Variants in GSAP observed in about 807,000 individuals in gnomAD.
GSAP encodes gamma-secretase activating protein, also known as gamma-secretase-activating protein.
In GSAP, 118 loss-of-function variants were observed where a neutral mutation model predicts 131.7. That is an observed-to-expected ratio of 0.90 (90% CI 0.77 to 1.04). The LOEUF (loss-of-function observed/expected upper bound fraction) is 1.04, where lower values mean the gene tolerates loss of function less well. Among genes scored for constraint, GSAP ranks in the 50% least tolerant of loss-of-function variants. The pLI, the probability that GSAP is intolerant of heterozygous loss-of-function variation, is 0.00. For synonymous variants in GSAP, 381 were observed against 363.4 expected, an observed-to-expected ratio of 1.05 and a Z score of -0.55; for missense variants, 1,019 against 1,013.2, an observed-to-expected ratio of 1.01 and a Z score of -0.08.
chr7:77,385,639 G>T (rs952004266), intron 6 of GSAP, among the ~76,000 whole-genome samples: 8 of 152,114 alleles, frequency 5.3e-5, no homozygotes, highest in Non-Finnish European at 1.0e-4. Flanking sequence ...CTTCCTGAGG[G>T]TAGGAGAATG....
chr7:77,372,102 C>G (rs969088664), intron 12 of GSAP, among the ~76,000 whole-genome samples: 12 of 152,190 alleles, frequency 7.9e-5, no homozygotes, highest in African/African-American at 2.2e-4. Flanking sequence ...CTAACTGTGC[C>G]TTTACTCAGT....
chr7:77,414,546 A>C (rs6465633), intron 1 of GSAP, among the ~76,000 whole-genome samples: 1 of 152,000 alleles, frequency 6.6e-6, no homozygotes, highest in Non-Finnish European at 1.5e-5. Context: ...GAGGACCTAG[A>C]GCTATCTGTT....
chr7:77,357,826 C>T (rs766183110), intron 14 of GSAP, among the ~76,000 whole-genome samples: 2 of 152,118 alleles, frequency 1.3e-5, no homozygotes, highest in Non-Finnish European at 2.9e-5. Flanking sequence ...CTTCAAGACT[C>T]ATTTCGAACT....
At chr7:77,314,178 A>G (rs1481085173) in intron 27 of GSAP, among the ~76,000 whole-genome samples, 192 bp downstream of exon 27, 1 of 152,222 alleles carries the variant, frequency 6.6e-6, no homozygotes, top group Non-Finnish European at 1.5e-5. Flanking sequence ...GGCTCAGCAC[A>G]AAATGAACAC....
intron 5 of GSAP, among the ~76,000 whole-genome samples, chr7:77,391,225 T>A (rs1799484880): frequency 6.6e-6 from 1 of 151,196 alleles, no homozygotes; most frequent in African/African-American, 2.4e-5. Context: ...CAGCCAGCTA[T>A]CAGCAAGATT....
chr7:77,366,882 C>G (rs1795400874), intron 12 of GSAP, among the ~76,000 whole-genome samples: 1 of 152,094 alleles, frequency 6.6e-6, no homozygotes, highest in Admixed American at 6.5e-5. Context: ...TTCTTTGTAA[C>G]TTCTGATTTC....
At chr7:77,318,393 G>C (rs77885230) in intron 26 of GSAP, among the ~76,000 whole-genome samples, 13,872 of 152,160 alleles carry the variant, frequency 0.091, 784 homozygotes, top group Non-Finnish European at 0.11. Context: ...TCAACAGTAC[G>C]TGGCACAAAA....
intron 23 of GSAP, among the ~76,000 whole-genome samples, chr7:77,324,680 C>A (rs1482149386): frequency 4.6e-5 from 7 of 151,996 alleles, no homozygotes; most frequent in Non-Finnish European, 8.8e-5. Flanking sequence ...GTGCATACTT[C>A]TTTGTGCTTT....
At chr7:77,364,951 G>A (rs1437396709) in intron 12 of GSAP, among the ~76,000 whole-genome samples, 1 of 152,136 alleles carries the variant, frequency 6.6e-6, no homozygotes, top group African/African-American at 2.4e-5. Flanking sequence ...TCAAAATGTG[G>A]ATAATATGAC....
chr7:77,396,991 G>A lies in GSAP; in HGVS notation c.358C>T (p.Leu120Phe), dbSNP rs781446966. 1.3e-6 allele frequency: 2 copies of A among 1,596,224 alleles called. No homozygotes were observed. Among genetic ancestry groups the A allele is most frequent in the South Asian group, 1.1e-5 (1 of 89,810 alleles). Residue 120 changes from leucine to phenylalanine, a missense_variant, in exon 5 of 31, where the codon CTT becomes TTT. Leu to Phe is a conservative substitution (Grantham distance 22). Transcript: ENST00000257626. ...AGTGTAATTTCATTACCTGGTTGAA[G>A]TTCGTTCCTTTTTCCTTCTTTAGTA... ...QSTKEGKRNE[L>F]QPGSKCLTLL...
intron 5 of GSAP, among the ~76,000 whole-genome samples, chr7:77,392,815 G>A (rs1239643552): frequency 6.6e-6 from 1 of 152,168 alleles, no homozygotes; most frequent in African/African-American, 2.4e-5. Flanking sequence ...GCTTCACAGA[G>A]CATCTGTGAC....
intron 1 of GSAP, among the ~76,000 whole-genome samples, chr7:77,406,488 C>T (rs183688400): frequency 1.6e-3 from 249 of 152,262 alleles, no homozygotes; most frequent in African/African-American, 5.6e-3. Flanking sequence ...TAAGGGCATA[C>T]GAATTTGGAA....
intron 5 of GSAP, among the ~76,000 whole-genome samples, chr7:77,390,690 A>G (rs1339383331): frequency 6.6e-6 from 1 of 152,176 alleles, no homozygotes; most frequent in Non-Finnish European, 1.5e-5. Flanking sequence ...CCATCGTGGC[A>G]CATGTATACA....
intron 14 of GSAP, 143 bp from the exon 15 acceptor site, chr7:77,355,790 T>C (rs1368294924): frequency 3.0e-6 from 1 of 338,122 alleles, no homozygotes; most frequent in African/African-American, 2.5e-5. Flanking sequence ...ACAGCCCGTT[T>C]TTTTTTTTTT....
intron 1 of GSAP, among the ~76,000 whole-genome samples, chr7:77,410,012 GT>G (rs1802995938): frequency 6.6e-6 from 1 of 152,096 alleles, no homozygotes; most frequent in Non-Finnish European, 1.5e-5. Context: ...CCACTCTCTG[GT>G]GTACATGTAT....
chr7:77,387,499 A>AT lies in GSAP; in HGVS notation c.368-52dup, dbSNP rs753077088. The AT allele has an allele frequency of 1.4e-4, 138 of 971,192 alleles. No individual in the cohort carries two copies. In the South Asian group the frequency reaches 1.5e-3, roughly 10 times the overall value. 60.2% of individuals were successfully genotyped at this position (971,192 alleles called of 1,614,324 possible). On this transcript the variant is annotated intron_variant, in intron 5 of 30. Transcript: ENST00000257626. ...AACGAAGATTGTAATATCACACATT[A>AT]TTTTTTCCAAAGCAAGGAGTAAGAA...
At chr7:77,362,215 G>A (rs1794626440) in intron 13 of GSAP, among the ~76,000 whole-genome samples, 1 of 152,180 alleles carries the variant, frequency 6.6e-6, no homozygotes, top group African/African-American at 2.4e-5. Context: ...AGCCGGGCAT[G>A]GTGGCTCATG....
chr7:77,318,659 C>A (rs1199149795), intron 26 of GSAP, among the ~76,000 whole-genome samples: 1 of 151,968 alleles, frequency 6.6e-6, no homozygotes, highest in Admixed American at 6.6e-5. Flanking sequence ...TGTCCATAGG[C>A]AAAAGAATGA....
chr7:77,395,936 G>C (rs1800304211), intron 5 of GSAP, among the ~76,000 whole-genome samples: 1 of 152,252 alleles, frequency 6.6e-6, no homozygotes, highest in African/African-American at 2.4e-5. Context: ...CACTAGGCCA[G>C]AAGTTGACAA....
Sources: allele counts gnomAD v4.1 joint callset (sites outside exome capture counted in the v4.1 genomes callset), GRCh38; gene constraint gnomAD v4.1.1; transcripts MANE v1.5; gene names NCBI Gene and HGNC (gene_info 2026-07-23, HGNC 2026-07-21).